Variants in NBAS observed in about 807,000 individuals in gnomAD.
NBAS encodes the protein NAG/BC035112 fusion.
NBAS carries 219 observed loss-of-function variants against 302.5 expected under a neutral mutation model. The observed-to-expected ratio is 0.72, with a 90% confidence interval of 0.65 to 0.81. NBAS has a LOEUF of 0.81. Ranked by LOEUF, NBAS falls within the 30% of genes least tolerant of loss-of-function variation. NBAS has a pLI of 0.00. For missense variants in NBAS, 2,932 were observed against 2,841.6 expected (o/e 1.03, Z -0.72); for synonymous variants, 1,118 against 1,021.6 (o/e 1.09, Z -1.80).
At chr2:14,987,025 A>G in the NBAS span, among the ~76,000 whole-genome samples, 2 of 152,146 alleles carry the variant, frequency 1.3e-5, no homozygotes, top group African/African-American at 2.4e-5. Context: ...TGTCCTAATT[A>G]TTAGATAAAT....
intron 40 of NBAS, among the ~76,000 whole-genome samples, chr2:15,304,704 G>C (rs1234096441): frequency 1.3e-5 from 2 of 152,212 alleles, no homozygotes; most frequent in Admixed American, 1.3e-4. Context: ...CTATTCTTTA[G>C]CAAAGAGACT....
the NBAS span, among the ~76,000 whole-genome samples, chr2:15,128,704 C>T: frequency 6.6e-6 from 1 of 151,924 alleles, no homozygotes; most frequent in Non-Finnish European, 1.5e-5. Flanking sequence ...AGGCCTAGGG[C>T]GAATGGGAAA....
chr2:14,961,625 G>A, the NBAS span, among the ~76,000 whole-genome samples: 1,255 of 152,140 alleles, frequency 8.2e-3, 20 homozygotes, highest in African/African-American at 0.029. Flanking sequence ...TTCCTTTATA[G>A]CAACACAAAT....
chr2:15,003,372 A>T, the NBAS span, among the ~76,000 whole-genome samples: 82 of 152,330 alleles, frequency 5.4e-4, no homozygotes, highest in Middle Eastern at 6.8e-3. Context: ...TGATAAATAC[A>T]CAGGGAGTGC....
chr2:15,374,739 A>G lies in NBAS; in HGVS notation c.3591-19T>C. 3 of 1,599,034 alleles carry G rather than the reference A, an allele frequency of 1.9e-6. No individual in the cohort carries two copies. The highest frequency in any genetic ancestry group is 2.6e-6 in the Non-Finnish European group (3 of 1,166,618). The stretch of plus-strand genomic sequence containing the variant: ...GCAGCACCTAGAAGAAATTAGATAA[A>G]TTTTTAAAAAGAAGCAACATATGTT... On this transcript the variant is annotated intron_variant, in intron 30 of 51. Transcript: ENST00000281513.
At chr2:15,131,197 A>T in the NBAS span, among the ~76,000 whole-genome samples, 6 of 152,180 alleles carry the variant, frequency 3.9e-5, no homozygotes, top group African/African-American at 1.2e-4. Flanking sequence ...TATAAATTTT[A>T]AAAAAATTTT....
chr2:14,916,564 C>T, the NBAS span, among the ~76,000 whole-genome samples: 2 of 149,426 alleles, frequency 1.3e-5, no homozygotes, highest in South Asian at 2.1e-4. Flanking sequence ...AAATATCATG[C>T]TTAGATTGCT....
At chr2:14,849,490 A>T in the NBAS span, among the ~76,000 whole-genome samples, 11 of 151,928 alleles carry the variant, frequency 7.2e-5, no homozygotes, top group Admixed American at 7.2e-4. Flanking sequence ...AATGGAACCA[A>T]GTTGGAAAAC....
intron 6 of NBAS, among the ~76,000 whole-genome samples, chr2:15,544,650 C>T (rs1664016385): frequency 6.6e-6 from 1 of 152,102 alleles, no homozygotes; most frequent in Non-Finnish European, 1.5e-5. Context: ...AAGAAACACA[C>T]CTTCTATCCA....
chr2:14,946,406 G>A, the NBAS span, among the ~76,000 whole-genome samples: 1 of 151,964 alleles, frequency 6.6e-6, no homozygotes, highest in African/African-American at 2.4e-5. Flanking sequence ...GCCAGGAGTG[G>A]GATGGCTACA....
intron 7 of NBAS, chr2:15,538,261 G>T: frequency 2.9e-6 from 1 of 350,554 alleles, no homozygotes; most frequent in Non-Finnish European, 5.8e-6. Flanking sequence ...AGCTCATATT[G>T]TATTTCTTTT....
At chr2:15,358,799 C>A (rs771461631) in intron 32 of NBAS, among the ~76,000 whole-genome samples, 20 of 152,102 alleles carry the variant, frequency 1.3e-4, no homozygotes, top group Non-Finnish European at 2.6e-4. Flanking sequence ...GCAAAAGCCA[C>A]AAAATTACTA....
chr2:15,402,195 A>G lies in NBAS; in HGVS notation c.3044T>C (p.Leu1015Pro), dbSNP rs760264280. The part of the protein sequence containing the change: ...NDQLCLCYDL[L>P]ECLPERGYGD... ...ATATCCTCTTTCTGGCAGACATTCT[A>G]GTAGGTCATAGCAAAGACAGAGTTG... Residue 1015 changes from leucine to proline, a missense_variant, in exon 26 of 52, where the codon CTA becomes CCA. Physicochemically the swap from Leu to Pro is moderately conservative, Grantham distance 98. Transcript: ENST00000281513. The G allele has an allele frequency of 6.2e-7, 1 of 1,613,616 alleles. No homozygotes were observed. Among genetic ancestry groups the G allele is most frequent in the Non-Finnish European group, 8.5e-7 (1 of 1,179,644 alleles).
intron 48 of NBAS, among the ~76,000 whole-genome samples, chr2:15,192,428 G>A (rs761051536): frequency 6.6e-5 from 10 of 151,956 alleles, no homozygotes; most frequent in African/African-American, 1.2e-4. Flanking sequence ...AAATGGAGTT[G>A]CCATAAATTT....
At chr2:15,316,941 C>T (rs1402074889) in intron 38 of NBAS, among the ~76,000 whole-genome samples, 3 of 152,170 alleles carry the variant, frequency 2.0e-5, no homozygotes, top group Non-Finnish European at 2.9e-5. Flanking sequence ...TCCCTGACCC[C>T]GTGTAGCCTA....
intron 48 of NBAS, among the ~76,000 whole-genome samples, chr2:15,193,769 G>T (rs1188261810): frequency 6.6e-6 from 1 of 152,048 alleles, no homozygotes; most frequent in African/African-American, 2.4e-5. Flanking sequence ...AATTCAAAAT[G>T]AATTTTTGTG....
At chr2:15,420,014 CGAT>C (rs1677135979) in intron 23 of NBAS, among the ~76,000 whole-genome samples, 1 of 152,090 alleles carries the variant, frequency 6.6e-6, no homozygotes, top group Non-Finnish European at 1.5e-5. Flanking sequence ...GCCCAGCCAA[CGAT>C]GATATTTGAC....
At chr2:15,012,671 T>C in the NBAS span, among the ~76,000 whole-genome samples, 6 of 152,102 alleles carry the variant, frequency 3.9e-5, no homozygotes, top group East Asian at 9.6e-4. Flanking sequence ...AAGTTACATA[T>C]AAGGAAATCC....
At chr2:15,373,515 G>A (rs1674584343) in intron 31 of NBAS, among the ~76,000 whole-genome samples, 2 of 152,058 alleles carry the variant, frequency 1.3e-5, no homozygotes, top group South Asian at 4.1e-4. Context: ...AATTTTTGTA[G>A]AGACAGGGTA....
Sources: allele counts gnomAD v4.1 joint callset (sites outside exome capture counted in the v4.1 genomes callset), GRCh38; gene constraint gnomAD v4.1.1; transcripts MANE v1.5; gene names NCBI Gene and HGNC (gene_info 2026-07-23, HGNC 2026-07-21).